The following PTGER3 variants were observed in gnomAD, a reference collection of about 807,000 sequenced individuals.
The protein encoded by PTGER3 is prostaglandin E2 receptor EP3 subtype.
PTGER3 carries 22 observed loss-of-function variants against 34.7 expected under a neutral mutation model. The observed-to-expected ratio is 0.63, with a 90% CI of 0.45 to 0.91. The LOEUF (loss-of-function observed/expected upper bound fraction) is 0.91, where lower values mean the gene tolerates loss of function less well. PTGER3 is among the 40% of genes least tolerant of loss of function. The pLI, the probability that PTGER3 is intolerant of heterozygous loss-of-function variation, is 0.00. For synonymous variants in PTGER3, 241 were observed against 230.1 expected, an observed-to-expected ratio of 1.05 and a Z score of -0.43; for missense variants, 468 against 519.4, an observed-to-expected ratio of 0.90 and a Z score of 0.96.
intron 4 of PTGER3, among the ~76,000 whole-genome samples, chr1:70,939,228 T>C (rs1266960130): frequency 1.3e-5 from 2 of 152,186 alleles, no homozygotes; most frequent in Non-Finnish European, 2.9e-5. Context: ...ATGTCCCACA[T>C]CCAGGTCAGG....
At chr1:71,022,218 G>A (rs1331489663) in intron 1 of PTGER3, among the ~76,000 whole-genome samples, 2 of 151,874 alleles carry the variant, frequency 1.3e-5, no homozygotes, top group Non-Finnish European at 2.9e-5. Context: ...TTGGTAAAGT[G>A]TTAGTGTTGC....
intron 3 of PTGER3, among the ~76,000 whole-genome samples, chr1:70,973,819 A>G (rs973649097): frequency 6.6e-6 from 1 of 152,182 alleles, no homozygotes; most frequent in African/African-American, 2.4e-5. Context: ...GGCCAATCAT[A>G]CATGACATTT....
chr1:70,857,830 A>G (rs191316336), intron 4 of PTGER3, among the ~76,000 whole-genome samples: 14 of 152,266 alleles, frequency 9.2e-5, no homozygotes, highest in African/African-American at 3.4e-4. Context: ...TTTTAATATA[A>G]CCTAAACTAT....
intron 2 of PTGER3, among the ~76,000 whole-genome samples, chr1:70,982,346 AC>A (rs1020162067): frequency 5.3e-5 from 8 of 151,672 alleles, no homozygotes; most frequent in African/African-American, 1.9e-4. Flanking sequence ...GCAGTATTCC[AC>A]CCCCCAGGCT....
In PTGER3 at chr1:70,908,406, C is replaced by T. The variant is rs578157238; in HGVS notation, c.*23+45357G>A. Among the ~76,000 whole-genome samples, 10 of 152,230 alleles carry T rather than the reference C, an allele frequency of 6.6e-5. No individual in the cohort carries two copies. The East Asian group carries it at 9.7e-4, about 15-fold the overall frequency. On this transcript the variant is annotated intron_variant, in intron 4 of 4. Coordinates refer to the PTGER3 transcript ENST00000370931. ...ATGACTGACCCACCAGGACAGGAGGCGGTGTACTGATACCTCAGCTCCTTC... is the reference window on the plus strand; with the variant it reads ...ATGACTGACCCACCAGGACAGGAGGTGGTGTACTGATACCTCAGCTCCTTC...
intron 4 of PTGER3, among the ~76,000 whole-genome samples, chr1:70,873,068 G>A (rs1271320330): frequency 2.0e-5 from 3 of 152,044 alleles, no homozygotes; most frequent in African/African-American, 7.3e-5. Context: ...GATAATAGTA[G>A]CATAGTCTTT....
chr1:70,953,118 A>T, intron 3 of PTGER3: 1 of 1,391,336 alleles, frequency 7.2e-7, no homozygotes. Flanking sequence ...ATATGAAAAT[A>T]AAAATAATAC....
At chr1:71,008,342 GA>G (rs1200295999) in intron 2 of PTGER3, 4 of 864,742 alleles carry the variant, frequency 4.6e-6, no homozygotes, top group Non-Finnish European at 5.6e-6. Flanking sequence ...TATTTCTAGA[GA>G]ATCATAATGC....
exon 5 of PTGER3, chr1:70,852,757 G>A: frequency 6.7e-7 from 1 of 1,490,398 alleles, no homozygotes; most frequent in Non-Finnish European, 9.3e-7. Context: ...TTGGGAGGTG[G>A]GTGTTTCTGT....
At chr1:70,993,484 G>C (rs1346493410) in intron 2 of PTGER3, among the ~76,000 whole-genome samples, 1 of 152,182 alleles carries the variant, frequency 6.6e-6, no homozygotes, top group African/African-American at 2.4e-5. Flanking sequence ...ATTTTGTACA[G>C]TTAGGCTAAA....
intron 4 of PTGER3, among the ~76,000 whole-genome samples, chr1:70,877,306 A>T (rs1164445130): frequency 6.6e-6 from 1 of 152,206 alleles, no homozygotes; most frequent in Non-Finnish European, 1.5e-5. Flanking sequence ...TTGACTTTGT[A>T]TCCTGAAACT....
chr1:70,932,378 G>T (rs1162751721), intron 4 of PTGER3, among the ~76,000 whole-genome samples: 1 of 151,974 alleles, frequency 6.6e-6, no homozygotes, highest in Non-Finnish European at 1.5e-5. Flanking sequence ...CCACATTTTT[G>T]GGTATCTTTT....
At chr1:71,011,245 G>T in intron 2 of PTGER3, 1 of 985,330 alleles carries the variant, frequency 1.0e-6, no homozygotes, top group African/African-American at 1.7e-5. Flanking sequence ...GCAGGCAGAA[G>T]AGCTGTGAAG....
At chr1:70,980,212 G>T (rs1200987923) in intron 2 of PTGER3, among the ~76,000 whole-genome samples, 1 of 152,118 alleles carries the variant, frequency 6.6e-6, no homozygotes, top group Non-Finnish European at 1.5e-5. Context: ...TTGGATAGGG[G>T]TGGATGGGAA....
At chr1:70,913,392 T>A (rs1647103012) in intron 4 of PTGER3, among the ~76,000 whole-genome samples, 1 of 152,120 alleles carries the variant, frequency 6.6e-6, no homozygotes, top group Non-Finnish European at 1.5e-5. Flanking sequence ...AGCAGGTTTT[T>A]AAAAATTCTT....
At chr1:70,862,520 CA>C in intron 4 of PTGER3, 3 of 497,840 alleles carry the variant, frequency 6.0e-6, no homozygotes, top group Non-Finnish European at 1.1e-5. Flanking sequence ...TAAGGGAGGA[CA>C]GGGGAGAGTC....
At chr1:70,857,872 T>C (rs774173106) in intron 4 of PTGER3, among the ~76,000 whole-genome samples, 3 of 152,250 alleles carry the variant, frequency 2.0e-5, no homozygotes, top group Non-Finnish European at 4.4e-5. Flanking sequence ...AAATAATTCA[T>C]GACTACAGTT....
intron 2 of PTGER3, among the ~76,000 whole-genome samples, chr1:70,963,062 C>A (rs1324273106): frequency 6.6e-6 from 1 of 152,162 alleles, no homozygotes; most frequent in Non-Finnish European, 1.5e-5. Flanking sequence ...CAGGCCCCAC[C>A]CAATTATGAA....
At chr1:70,852,652 A>C in exon 5 of PTGER3, 2 of 709,744 alleles carry the variant, frequency 2.8e-6, no homozygotes, top group Admixed American at 5.5e-5. Context: ...GATATAGTAA[A>C]AGTACAAAAA....
Sources: gnomAD v4.1 joint callset for allele counts (sites outside exome capture counted in the v4.1 genomes callset) on GRCh38, gnomAD v4.1.1 for gene constraint, MANE v1.5 for transcripts, NCBI Gene and HGNC (gene_info 2026-07-23, HGNC 2026-07-21) for gene names.